The following SPTLC1 variants were observed in gnomAD, a reference collection of about 807,000 sequenced individuals.
SPTLC1 encodes the protein serine palmitoyltransferase 1.
Under a neutral mutation model 68.9 loss-of-function variants are expected in SPTLC1, and 55 were observed. The observed-to-expected ratio is 0.80, with a 90% CI of 0.64 to 1.00. The LOEUF is 1.00. Ranked by LOEUF, SPTLC1 falls within the 50% of genes least tolerant of loss-of-function variation. The pLI is 0.00. For missense variants in SPTLC1, 449 were observed against 573.1 expected, an observed-to-expected ratio of 0.78 and a Z score of 2.21; for synonymous variants, 197 against 201.6, an observed-to-expected ratio of 0.98 and a Z score of 0.19.
At chr9:92,066,444 G>A (rs879311824) in intron 6 of SPTLC1, among the ~76,000 whole-genome samples, 36 of 152,306 alleles carry the variant, frequency 2.4e-4, no homozygotes, top group Admixed American at 1.0e-3. Flanking sequence ...AGAAGGTTAA[G>A]TAGGAGAAGG....
chr9:92,074,208 C>A (rs1297028976), intron 5 of SPTLC1, among the ~76,000 whole-genome samples: 2 of 152,098 alleles, frequency 1.3e-5, no homozygotes, highest in Non-Finnish European at 2.9e-5. Flanking sequence ...ACCCACTCCA[C>A]GTTACCTTCT....
chr9:92,103,533 A>C (rs1210058681), intron 3 of SPTLC1, among the ~76,000 whole-genome samples: 1 of 152,208 alleles, frequency 6.6e-6, no homozygotes, highest in Admixed American at 6.5e-5. Flanking sequence ...TGACCACCTG[A>C]ATGACCTGAG....
chr9:92,100,921 A>G (rs144115415), intron 3 of SPTLC1, among the ~76,000 whole-genome samples: 59 of 152,208 alleles, frequency 3.9e-4, no homozygotes, highest in Non-Finnish European at 5.9e-4. Context: ...CAGCCCATCC[A>G]ACTGACACCC....
intron 1 of SPTLC1, among the ~76,000 whole-genome samples, chr9:92,113,247 A>T (rs1279882582): frequency 6.6e-6 from 1 of 152,236 alleles, no homozygotes; most frequent in Non-Finnish European, 1.5e-5. Flanking sequence ...TGGGAGTAAG[A>T]AGTTTATGAT....
intron 3 of SPTLC1, among the ~76,000 whole-genome samples, chr9:92,106,620 C>T (rs776695369): frequency 5.3e-5 from 8 of 152,148 alleles, no homozygotes; most frequent in African/African-American, 1.9e-4. Flanking sequence ...ACTCGGCCCA[C>T]GTGCTGTTGG....
At chr9:92,093,294 G>A (rs1223953617) in intron 3 of SPTLC1, among the ~76,000 whole-genome samples, 4 of 152,136 alleles carry the variant, frequency 2.6e-5, no homozygotes, top group Admixed American at 6.5e-5. Flanking sequence ...AAATGGTCTC[G>A]AATTGATAAG....
At position 92,080,889 on chromosome 9, in the gene SPTLC1, A is replaced by T. The variant is rs1834857072; in HGVS notation, c.335T>A (p.Leu112Ter). Residue 112 changes from leucine (L) to a stop codon, truncating the protein, a stop_gained, in exon 4 of 15, where the codon TTG becomes TAG. Transcript: ENST00000262554. LOFTEE classifies it high-confidence loss of function. Reference sequence around the variant, plus strand: ...ACTCACCTTAACCCTAGGGTTATCCAACAATCCAAGAAAATTAAATGAGGC... The same window carrying T: ...ACTCACCTTAACCCTAGGGTTATCCTACAATCCAAGAAAATTAAATGAGGC... ...NFASFNFLGL[L>*]DNPRVKAAAL... The T allele has an allele frequency of 2.5e-6, 4 of 1,613,834 alleles. No homozygotes were observed. The South Asian group carries it at 4.4e-5, about 18-fold the overall frequency.
At chr9:92,111,924 A>G (rs1836264632) in intron 2 of SPTLC1, 1 of 156,140 alleles carries the variant, frequency 6.4e-6, no homozygotes, top group Admixed American at 6.2e-5. Context: ...TTTCCTTATC[A>G]CTAGAGCTAG....
chr9:92,105,661 G>A (rs1835939882), intron 3 of SPTLC1, among the ~76,000 whole-genome samples: 1 of 151,772 alleles, frequency 6.6e-6, no homozygotes, highest in Admixed American at 6.6e-5. Flanking sequence ...TCTGGGCAGT[G>A]AGGAGCGCCT....
At chr9:92,033,637 C>G (rs925964907) in intron 14 of SPTLC1, among the ~76,000 whole-genome samples, 8 of 152,142 alleles carry the variant, frequency 5.3e-5, no homozygotes, top group African/African-American at 1.9e-4. Context: ...CTCACTGCAG[C>G]CTTGACCTCC....
At chr9:92,042,723 C>T (rs1161177060) in intron 12 of SPTLC1, among the ~76,000 whole-genome samples, 1 of 152,060 alleles carries the variant, frequency 6.6e-6, no homozygotes, top group African/African-American at 2.4e-5. Context: ...ACCCATATTC[C>T]AAAACAGTGA....
At chr9:92,104,085 T>C (rs1835862770) in intron 3 of SPTLC1, among the ~76,000 whole-genome samples, 1 of 152,176 alleles carries the variant, frequency 6.6e-6, no homozygotes, top group African/African-American at 2.4e-5. Context: ...AGCCCCATAG[T>C]GATGTCATAA....
chr9:92,085,368 T>C (rs1316432312), intron 3 of SPTLC1, among the ~76,000 whole-genome samples: 2 of 151,058 alleles, frequency 1.3e-5, no homozygotes, highest in Non-Finnish European at 3.0e-5. Flanking sequence ...TGCTTTCTCT[T>C]GTGGGCATTT....
chr9:92,041,779 C>A (rs1473821166), intron 12 of SPTLC1, among the ~76,000 whole-genome samples: 2 of 152,088 alleles, frequency 1.3e-5, no homozygotes, highest in Admixed American at 1.3e-4. Flanking sequence ...AATGAAGTAA[C>A]GGTTTTCTCA....
intron 5 of SPTLC1, among the ~76,000 whole-genome samples, chr9:92,071,227 TAAAAAAA>T (rs777594686): frequency 9.9e-6 from 1 of 101,214 alleles, no homozygotes; most frequent in Non-Finnish European, 2.0e-5. Flanking sequence ...CTATCTCTAC[TAAAAAAA>T]AAAAAAAAAA....
intron 3 of SPTLC1, among the ~76,000 whole-genome samples, chr9:92,099,821 C>T (rs556390701): frequency 6.6e-6 from 1 of 152,178 alleles, no homozygotes; most frequent in African/African-American, 2.4e-5. Flanking sequence ...TTTAGATACA[C>T]AAATACCATT....
intron 7 of SPTLC1, among the ~76,000 whole-genome samples, chr9:92,056,966 A>G (rs565681426): frequency 6.6e-6 from 1 of 152,358 alleles, no homozygotes; most frequent in African/African-American, 2.4e-5. Flanking sequence ...CCTGTCTTTA[A>G]GGAAAAACAT....
chr9:92,064,149 T>C (rs1215691046), intron 6 of SPTLC1, among the ~76,000 whole-genome samples: 1 of 152,194 alleles, frequency 6.6e-6, no homozygotes, highest in Admixed American at 6.5e-5. Context: ...TTTGGCAAGG[T>C]TGCAGGATAC....
chr9:92,079,794 C>G (rs1036266956), intron 5 of SPTLC1: 1 of 647,828 alleles, frequency 1.5e-6, no homozygotes, highest in African/African-American at 1.8e-5. Context: ...CACATGCACA[C>G]GAGGATGAGC....
Sources: allele counts gnomAD v4.1 joint callset (sites outside exome capture counted in the v4.1 genomes callset), GRCh38; gene constraint gnomAD v4.1.1; transcripts MANE v1.5; gene names NCBI Gene and HGNC (gene_info 2026-07-23, HGNC 2026-07-21).